Variants in OCIAD1 observed in about 807,000 individuals in gnomAD.
The protein encoded by OCIAD1 is OCIA domain containing 1, also known as OCIA domain-containing protein 1.
OCIAD1 carries 29 observed loss-of-function variants against 38.9 expected under a neutral mutation model. That is an observed-to-expected ratio of 0.74 (90% CI 0.55 to 1.02). The LOEUF is 1.02. OCIAD1 is among the 50% of genes least tolerant of loss of function. The pLI is 0.00. For synonymous variants in OCIAD1, 110 were observed against 92.0 expected (o/e 1.20, Z -1.12); for missense variants, 288 against 289.6 (o/e 0.99, Z 0.04).
At chr4:48,857,431 A>C in intron 8 of OCIAD1, 66 bp downstream of exon 8, 1 of 965,422 alleles carries the variant, frequency 1.0e-6, no homozygotes, top group Non-Finnish European at 1.4e-6. Flanking sequence ...ACTTTAAAAC[A>C]ATACTATAAA....
intron 1 of OCIAD1, among the ~76,000 whole-genome samples, chr4:48,820,503 A>G (rs545828845): frequency 1.3e-5 from 2 of 152,318 alleles, no homozygotes; most frequent in Non-Finnish European, 2.9e-5. Flanking sequence ...GAAAGAAGCA[A>G]GAGCAAACAA....
In OCIAD1 at chr4:48,831,090, G is replaced by A. The variant is rs561942491; in HGVS notation, c.-165G>A. 8.2e-6 allele frequency: 2 copies of A among 245,250 alleles called. No homozygotes were observed. Among genetic ancestry groups the A allele is most frequent in the South Asian group, 8.7e-5 (2 of 22,878 alleles). The allele number at this position is 245,250 out of a possible 1,614,324, so 15.2% of individuals were successfully genotyped here. On this transcript the variant is annotated 5_prime_UTR_variant, in exon 1 of 9. Transcript: ENST00000264312. ...TGCCTCCGGGTCGCGGTCATTTTGA[G>A]CCCCTGTCTGGATGACTTCTTGCGG...
rs190284334 is a variant in OCIAD1, at chr4:48,813,518, G to T, written c.-103+8188G>T. Among the ~76,000 whole-genome samples, 384 of 152,326 alleles carry T rather than the reference G, an allele frequency of 2.5e-3. 4 individuals are homozygous for T. Among genetic ancestry groups the T allele is most frequent in the Admixed American group, 5.7e-3 (87 of 15,300 alleles). On this transcript the variant is annotated intron_variant, in intron 1 of 6. Transcript: ENST00000504654. ...AAAATACAAAAATTAGTTGGGCGTA[G>T]TGGCATGTGCCTGTAGTCCCAGCTA...
At chr4:48,852,879 T>G (rs1435673663) in intron 7 of OCIAD1, among the ~76,000 whole-genome samples, 1 of 143,532 alleles carries the variant, frequency 7.0e-6, no homozygotes, top group Admixed American at 6.7e-5. Context: ...TTTTTTGTTT[T>G]TTGTTTTTTT....
At chr4:48,853,989 TAGTC>T (rs933573550) in intron 7 of OCIAD1, among the ~76,000 whole-genome samples, 1 of 152,154 alleles carries the variant, frequency 6.6e-6, no homozygotes, top group Non-Finnish European at 1.5e-5. Flanking sequence ...GGCATCAAAT[TAGTC>T]AGAAAAGGAA....
chr4:48,817,067 C>T (rs1354432709), intron 1 of OCIAD1, among the ~76,000 whole-genome samples: 2 of 152,182 alleles, frequency 1.3e-5, no homozygotes, highest in Non-Finnish European at 2.9e-5. Context: ...TGGTTGATTT[C>T]TGCATTTCCA....
upstream of OCIAD1, among the ~76,000 whole-genome samples, chr4:48,829,120 C>T (rs6834729): frequency 6.7e-3 from 1,016 of 152,026 alleles, 14 homozygotes; most frequent in African/African-American, 0.023. Context: ...ATTAGCTGGG[C>T]GTGGTGGTGC....
intron 3 of OCIAD1, among the ~76,000 whole-genome samples, chr4:48,841,144 G>A (rs1778489145): frequency 1.3e-5 from 2 of 152,220 alleles, no homozygotes; most frequent in African/African-American, 4.8e-5. Flanking sequence ...CTACGTTCAT[G>A]TGTTTTTGGA....
At chr4:48,812,875 G>A (rs571886816) in intron 1 of OCIAD1, among the ~76,000 whole-genome samples, 1 of 152,328 alleles carries the variant, frequency 6.6e-6, no homozygotes, top group Non-Finnish European at 1.5e-5. Context: ...TTTTCTTACA[G>A]TGAAGAGAAA....
At chr4:48,813,173 G>A (rs542084951) in intron 1 of OCIAD1, among the ~76,000 whole-genome samples, 5 of 152,264 alleles carry the variant, frequency 3.3e-5, no homozygotes, top group South Asian at 4.1e-4. Flanking sequence ...AAGAAATATC[G>A]CAACACTTTT....
intron 1 of OCIAD1, 70 bp downstream of exon 1, chr4:48,831,319 C>T (rs1579044538): frequency 2.5e-6 from 1 of 396,158 alleles, no homozygotes; most frequent in African/African-American, 2.1e-5. Flanking sequence ...TGCGGCCATC[C>T]ACGACTTTCG....
At chr4:48,813,941 C>T (rs538099673) in intron 1 of OCIAD1, among the ~76,000 whole-genome samples, 2 of 152,236 alleles carry the variant, frequency 1.3e-5, no homozygotes, top group Admixed American at 6.5e-5. Flanking sequence ...TTAAGACCCA[C>T]TTTCTTAGAA....
chr4:48,836,881 T>A (rs897178296), intron 3 of OCIAD1, among the ~76,000 whole-genome samples: 1 of 152,230 alleles, frequency 6.6e-6, no homozygotes, highest in African/African-American at 2.4e-5. Flanking sequence ...GCAGAATAAC[T>A]GGAACGAGTT....
At chr4:48,831,443 G>A (rs374009412) in intron 1 of OCIAD1, 194 bp downstream of exon 1, 1 of 1,251,306 alleles carries the variant, frequency 8.0e-7, no homozygotes. Flanking sequence ...TGTGAGCTGG[G>A]GAAGTTCGTG....
chr4:48,818,547 AGG>A (rs1458461167), intron 1 of OCIAD1, among the ~76,000 whole-genome samples: 1 of 152,222 alleles, frequency 6.6e-6, no homozygotes, highest in Non-Finnish European at 1.5e-5. Flanking sequence ...CTCTCCAGCA[AGG>A]GCACAAAACT....
In OCIAD1 at chr4:48,833,429, G is replaced by A; in HGVS notation, c.87G>A (p.Glu29=). 6.2e-7 allele frequency: 1 copy of A among 1,606,156 alleles called. No individual in the cohort carries two copies. The highest frequency in any genetic ancestry group is 8.5e-7 in the Non-Finnish European group (1 of 1,173,464). Residue 29 remains glutamate (E), a synonymous_variant, in exon 3 of 9, where the codon GAG becomes GAA. Coordinates refer to ENST00000264312, the MANE Select transcript of OCIAD1 (RefSeq NM_017830.4). ...PHIGPDYIPT[E]EERRVFAECN... Reference sequence around the variant, plus strand: ...TAGGGCCTGATTACATTCCAACAGAGGAAGAAAGGAGAGTCTTCGCAGAAT... The same window carrying A: ...TAGGGCCTGATTACATTCCAACAGAAGAAGAAAGGAGAGTCTTCGCAGAAT...
intron 1 of OCIAD1, among the ~76,000 whole-genome samples, chr4:48,813,377 G>A (rs185668532): frequency 6.6e-6 from 1 of 152,324 alleles, no homozygotes; most frequent in East Asian, 1.9e-4. Context: ...CAACTGGTTG[G>A]GGGTGGTGGC....
intron 1 of OCIAD1, among the ~76,000 whole-genome samples, chr4:48,818,399 C>G (rs373466670): frequency 6.6e-6 from 1 of 152,026 alleles, no homozygotes; most frequent in Non-Finnish European, 1.5e-5. Flanking sequence ...AGGACCCCCA[C>G]GTAAAGACTC....
At chr4:48,835,767 G>A (rs1467102136) in intron 3 of OCIAD1, among the ~76,000 whole-genome samples, 1 of 152,094 alleles carries the variant, frequency 6.6e-6, no homozygotes, top group South Asian at 2.1e-4. Flanking sequence ...CAGGAGGATC[G>A]CCTGAGACCA....
Sources: allele counts gnomAD v4.1 joint callset (sites outside exome capture counted in the v4.1 genomes callset), GRCh38; gene constraint gnomAD v4.1.1; transcripts MANE v1.5; gene names NCBI Gene and HGNC (gene_info 2026-07-23, HGNC 2026-07-21).